The following PMEPA1 variants were observed in gnomAD, a reference collection of about 807,000 sequenced individuals.
PMEPA1 encodes protein TMEPAI.
In PMEPA1, 11 loss-of-function variants were observed where a neutral mutation model predicts 23.0. The observed-to-expected ratio is 0.48, with a 90% CI of 0.30 to 0.79. The LOEUF is 0.79. Ranked by LOEUF, PMEPA1 falls within the 30% of genes least tolerant of loss-of-function variation. The pLI is 0.06. For synonymous variants in PMEPA1, 204 were observed against 166.4 expected (o/e 1.23, Z -1.74); for missense variants, 377 against 390.9 (o/e 0.96, Z 0.30).
At chr20:57,679,196 A>T (rs540368117) in intron 1 of PMEPA1, among the ~76,000 whole-genome samples, 1 of 152,318 alleles carries the variant, frequency 6.6e-6, no homozygotes, top group South Asian at 2.1e-4. Context: ...CTTAAATATG[A>T]GGAGAGTTGG....
At chr20:57,688,328 T>A (rs972546618) in intron 1 of PMEPA1, among the ~76,000 whole-genome samples, 2 of 147,556 alleles carry the variant, frequency 1.4e-5, no homozygotes, top group East Asian at 4.0e-4. Flanking sequence ...CTGCCTGACC[T>A]TAGGAAGGAG....
chr20:57,664,673 G>A (rs1209505227), intron 1 of PMEPA1, among the ~76,000 whole-genome samples: 1 of 152,332 alleles, frequency 6.6e-6, no homozygotes, highest in East Asian at 1.9e-4. Flanking sequence ...AGGAACCCCA[G>A]CAGGACTGCC....
rs1016933674 is a variant in PMEPA1 at position 57,682,898 on chromosome 20, T to G, written c.110-23201A>C. Among the ~76,000 whole-genome samples, 1 of 152,250 alleles carries G rather than the reference T, an allele frequency of 6.6e-6. No individual in the cohort carries two copies. Among genetic ancestry groups the G allele is most frequent in the African/African-American group, 2.4e-5 (1 of 41,476 alleles). Reference sequence around the variant, plus strand: ...GTCTCCCCACCACATCTGTTTTGCCTGACAAATGAGCAGCAGCTCGCCTCC... The same window carrying G: ...GTCTCCCCACCACATCTGTTTTGCCGGACAAATGAGCAGCAGCTCGCCTCC... On this transcript the variant is annotated intron_variant, in intron 1 of 3. Coordinates refer to ENST00000341744, the MANE Select transcript of PMEPA1 (RefSeq NM_020182.5). The surrounding 1 kb of genome is among the most constrained non-coding windows in gnomAD (Gnocchi z 4.4).
In PMEPA1 at chr20:57,710,013, G is replaced by A. The variant is rs1350505861; in HGVS notation, c.-431C>T. ...GCGGTCGGAGGCAGGCAGACGGTCT[G>A]ACGTCAGCGCTAGACGGGGCTGCCG... On this transcript the variant is annotated 5_prime_UTR_variant, in exon 1 of 4. Transcript: ENST00000341744. 7 of 994,270 alleles carry A rather than the reference G, an allele frequency of 7.0e-6. No homozygotes were observed. The highest frequency in any genetic ancestry group is 8.4e-6 in the Non-Finnish European group (7 of 836,036). The allele number at this position is 994,270 out of a possible 1,614,324, so 61.6% of individuals were successfully genotyped here. A position where few individuals can be genotyped will look rare whatever the true frequency, so the allele number is the denominator to read the frequency against.
At chr20:57,675,499 A>G (rs903152247) in intron 1 of PMEPA1, among the ~76,000 whole-genome samples, 1 of 152,242 alleles carries the variant, frequency 6.6e-6, no homozygotes, top group African/African-American at 2.4e-5. Flanking sequence ...CGCTTGGCTC[A>G]TCACCTTCAT....
At chr20:57,688,396 G>A (rs1342859156) in intron 1 of PMEPA1, among the ~76,000 whole-genome samples, 1 of 151,944 alleles carries the variant, frequency 6.6e-6, no homozygotes, top group Admixed American at 6.6e-5. Context: ...TTGCATCCCT[G>A]GCCTCTACCT....
chr20:57,709,563 A>C lies in PMEPA1; in HGVS notation c.20T>G (p.Val7Gly), dbSNP rs1441226703. The change falls in exon 1 of 4, where the codon GTC becomes GGC. Residue 7 changes from valine (V) to glycine (G), a missense_variant. Val to Gly is a moderately radical substitution (Grantham distance 109). This residue lies in a region of PMEPA1 where 198 missense variants were observed against 196.3 expected (regional missense o/e 1.01). Coordinates refer to ENST00000341744, the MANE Select transcript of PMEPA1 (RefSeq NM_020182.5). ...GGCGGCGGCGGCGGCGGTGCTGTTG[A>C]CCCCCATCAAGCGGTGCATGGACGG... The part of the protein sequence containing the change: MHRLMG[V>G]NSTAAAAAGQ... The C allele has an allele frequency of 9.6e-7, 1 of 1,040,824 alleles. No homozygotes were observed. The highest frequency in any genetic ancestry group is 1.2e-6 in the Non-Finnish European group (1 of 860,898). The allele number at this position is 1,040,824 out of a possible 1,614,324, so 64.5% of individuals were successfully genotyped here. A position where few individuals can be genotyped will look rare whatever the true frequency, so the allele number is the denominator to read the frequency against.
At chr20:57,702,905 G>C (rs918717130) in intron 1 of PMEPA1, among the ~76,000 whole-genome samples, 2 of 152,254 alleles carry the variant, frequency 1.3e-5, no homozygotes, top group African/African-American at 4.8e-5. Flanking sequence ...AAGCCATTCT[G>C]TGGCTCTCGG....
chr20:57,672,837 C>A (rs1471221090), intron 1 of PMEPA1, among the ~76,000 whole-genome samples: 2 of 152,176 alleles, frequency 1.3e-5, no homozygotes, highest in Non-Finnish European at 2.9e-5. Context: ...TGGATCCAAC[C>A]CCCAGCTCTC....
rs2072050653 is a variant in PMEPA1, at chr20:57,704,459, G to A, written c.109+5015C>T. Among the ~76,000 whole-genome samples the A allele has an allele frequency of 6.6e-6, 1 of 152,070 alleles. No homozygotes were observed. The highest frequency in any genetic ancestry group is 6.5e-5 in the Admixed American group (1 of 15,270). On this transcript the variant is annotated intron_variant, in intron 1 of 3. Coordinates refer to ENST00000341744, the MANE Select transcript of PMEPA1 (RefSeq NM_020182.5). The surrounding 1 kb of genome is among the most constrained non-coding windows in gnomAD (Gnocchi z 4.6). ...TGCGTTACGCAACACTTTGTAAAAA[G>A]CAAAAAATGGGCCCTCGGCTTCAAT...
intron 1 of PMEPA1, among the ~76,000 whole-genome samples, chr20:57,678,444 A>G (rs1035669389): frequency 6.6e-6 from 1 of 152,256 alleles, no homozygotes; most frequent in Non-Finnish European, 1.5e-5. Flanking sequence ...GCAGAGGCTG[A>G]GGCCAGCAGC....
chr20:57,679,467 G>A (rs1284272851), intron 1 of PMEPA1, among the ~76,000 whole-genome samples: 2 of 152,192 alleles, frequency 1.3e-5, no homozygotes, highest in East Asian at 1.9e-4. Context: ...CTCCAAACAC[G>A]GCACACATCA....
upstream of PMEPA1, chr20:57,711,268 T>G (rs1439142728): frequency 6.6e-6 from 1 of 152,112 alleles, no homozygotes; most frequent in Admixed American, 6.5e-5. Context: ...ACAGTTTGGA[T>G]AGAGAAGGAA....
intron 1 of PMEPA1, among the ~76,000 whole-genome samples, chr20:57,692,375 A>T (rs1175633003): frequency 6.6e-6 from 1 of 152,228 alleles, no homozygotes; most frequent in Non-Finnish European, 1.5e-5. Flanking sequence ...GGGAAGAGTC[A>T]TGGGGGCAGG....
At chr20:57,690,285 C>CG (rs1051853165) in intron 1 of PMEPA1, 82 of 550,268 alleles carry the variant, frequency 1.5e-4, no homozygotes, top group South Asian at 1.1e-3. Flanking sequence ...ACAGACCACC[C>CG]GGGGGGGCCG....
chr20:57,661,282 G>A (rs942194599), intron 1 of PMEPA1, among the ~76,000 whole-genome samples: 14 of 152,334 alleles, frequency 9.2e-5, no homozygotes, highest in East Asian at 3.9e-4. Context: ...AAGCGGCCTC[G>A]GCAGCTGGCC....
At chr20:57,685,604 G>T (rs1217843393) in intron 1 of PMEPA1, among the ~76,000 whole-genome samples, 1 of 152,138 alleles carries the variant, frequency 6.6e-6, no homozygotes, top group African/African-American at 2.4e-5. Context: ...GACTGGCTGG[G>T]GGGAGGGGGC....
At chr20:57,701,574 A>T (rs1275447300) in intron 1 of PMEPA1, among the ~76,000 whole-genome samples, 7 of 152,216 alleles carry the variant, frequency 4.6e-5, no homozygotes, top group Non-Finnish European at 7.3e-5. Context: ...GAGGGCAGGT[A>T]TGAAACTCGG....
At chr20:57,678,627 C>T (rs1001187106) in intron 1 of PMEPA1, among the ~76,000 whole-genome samples, 7 of 152,216 alleles carry the variant, frequency 4.6e-5, no homozygotes, top group Admixed American at 2.0e-4. Flanking sequence ...AACCATCTCT[C>T]GGCTGTCATC....
Sources: gnomAD v4.1 joint callset for allele counts (sites outside exome capture counted in the v4.1 genomes callset) on GRCh38, gnomAD v4.1.1 for gene constraint, gnomAD v4.1.1 regional missense constraint, Gnocchi (gnomAD v3.1) non-coding constraint, MANE v1.5 for transcripts, NCBI Gene and HGNC (gene_info 2026-07-23, HGNC 2026-07-21) for gene names.